Variants in MAL observed in about 807,000 individuals in gnomAD.
MAL encodes the protein mal, T cell differentiation protein (MAL blood group), also known as myelin and lymphocyte protein.
A neutral mutation model predicts 16.7 loss-of-function variants in MAL; 5 were observed. That is an observed-to-expected ratio of 0.30 (90% CI 0.16 to 0.63). MAL has a LOEUF of 0.63. Ranked by LOEUF, MAL falls within the 30% of genes least tolerant of loss-of-function variation. The pLI, the probability that MAL is intolerant of heterozygous loss-of-function variation, is 0.82. For synonymous variants in MAL, 96 were observed against 85.5 expected, an observed-to-expected ratio of 1.12 and a Z score of -0.67; for missense variants, 202 against 195.8, an observed-to-expected ratio of 1.03 and a Z score of -0.19.
chr2:95,034,319 G>A (rs1674155553), intron 1 of MAL, among the ~76,000 whole-genome samples: 1 of 152,178 alleles, frequency 6.6e-6, no homozygotes. Context: ...GAGCAGCCAA[G>A]GGGTGGAGGA....
At chr2:95,030,215 G>A (rs1270755181) in intron 1 of MAL, among the ~76,000 whole-genome samples, 1 of 152,200 alleles carries the variant, frequency 6.6e-6, no homozygotes, top group Non-Finnish European at 1.5e-5. Flanking sequence ...GAAGAGGAAG[G>A]CAGGCCCAAC....
chr2:95,049,883 G>A (rs1674680208), intron 3 of MAL, among the ~76,000 whole-genome samples, 177 bp downstream of exon 3: 2 of 152,078 alleles, frequency 1.3e-5, no homozygotes, highest in African/African-American at 4.8e-5. Context: ...GTCATGTTGT[G>A]CCCAAGACTC....
rs569573663 is a variant in MAL at position 95,025,843 on chromosome 2, G to T, written c.51G>T (p.Ser17=). The T allele has an allele frequency of 1.3e-6, 2 of 1,578,624 alleles. No individual in the cohort carries two copies. Among genetic ancestry groups the T allele is most frequent in the African/African-American group, 1.4e-5 (1 of 73,588 alleles). The change falls in exon 1 of 4, where the codon TCG becomes TCT. Residue 17 remains serine (S), a synonymous_variant. Coordinates refer to ENST00000309988, the MANE Select transcript of MAL (RefSeq NM_002371.4). The surrounding 1 kb of genome is among the most constrained non-coding windows in gnomAD (Gnocchi z 5.6). ...TGGSTLPSGF[S]VFTTLPDLLF... The stretch of plus-strand genomic sequence containing the variant: ...GCAGCACCCTGCCCAGTGGCTTCTC[G>T]GTCTTCACCACCTTGCCCGACTTGC...
At chr2:95,031,071 G>GACGT (rs1674066669) in intron 1 of MAL, among the ~76,000 whole-genome samples, 1 of 152,214 alleles carries the variant, frequency 6.6e-6, no homozygotes. Context: ...GGAGACCAGA[G>GACGT]ACGTAGAATG....
chr2:95,033,190 G>A (rs1674129151), intron 1 of MAL, among the ~76,000 whole-genome samples: 1 of 152,194 alleles, frequency 6.6e-6, no homozygotes, highest in African/African-American at 2.4e-5. Context: ...CAGGAATAGG[G>A]CCACGGGGAA....
At position 95,053,523 on chromosome 2, in the gene MAL, T is replaced by G. The variant is rs1396264760; in HGVS notation, c.*68T>G. On this transcript the variant is annotated 3_prime_UTR_variant, in exon 4 of 4. Coordinates refer to ENST00000309988, the MANE Select transcript of MAL (RefSeq NM_002371.4). ...TGGCCGCCCCACTTTCCGGCATAAC[T>G]TTTTAGAAAACAGAAATGCCCTTGA... The G allele has an allele frequency of 7.8e-7, 1 of 1,274,396 alleles. No homozygotes were observed. Among genetic ancestry groups the G allele is most frequent in the Non-Finnish European group, 1.1e-6 (1 of 873,974 alleles). The allele number at this position is 1,274,396 out of a possible 1,614,324, so 78.9% of individuals were successfully genotyped here.
In MAL at chr2:95,025,753, G is replaced by T; in HGVS notation, c.-40G>T. 1 of 1,410,158 alleles carries T rather than the reference G, an allele frequency of 7.1e-7. No homozygotes were observed. 87.4% of individuals were successfully genotyped at this position (1,410,158 alleles called of 1,614,324 possible). On this transcript the variant is annotated 5_prime_UTR_variant, in exon 1 of 4. Transcript: ENST00000309988. This position sits in a 1 kb window ranked among gnomAD's most constrained non-coding sequence, Gnocchi z 5.6. The stretch of plus-strand genomic sequence containing the variant: ...CGAGAGGTCTGCGCGGAGTCTGAGC[G>T]GCGCTCGTCCCGTCCCAAGGCCGAC...
intron 1 of MAL, among the ~76,000 whole-genome samples, chr2:95,028,860 G>C (rs1279716262): frequency 6.6e-6 from 1 of 152,174 alleles, no homozygotes; most frequent in East Asian, 1.9e-4. Context: ...TAAATCCATA[G>C]AGACAGAACA....
At chr2:95,031,917 C>T (rs1674092588) in intron 1 of MAL, among the ~76,000 whole-genome samples, 1 of 152,220 alleles carries the variant, frequency 6.6e-6, no homozygotes, top group Non-Finnish European at 1.5e-5. Flanking sequence ...CAGAGGCTGG[C>T]TTTGGTGAGG....
chr2:95,027,272 C>T (rs148232511), intron 1 of MAL, among the ~76,000 whole-genome samples: 1 of 152,266 alleles, frequency 6.6e-6, no homozygotes, highest in East Asian at 1.9e-4. Context: ...AGACTCCCAC[C>T]CAACCCGCCA....
chr2:95,031,073 C>T (rs182333286), intron 1 of MAL, among the ~76,000 whole-genome samples: 81 of 152,270 alleles, frequency 5.3e-4, no homozygotes, highest in Admixed American at 3.9e-4. Flanking sequence ...AGACCAGAGA[C>T]GTAGAATGAC....
chr2:95,037,960 CTGAG>C (rs1347538913), intron 1 of MAL, among the ~76,000 whole-genome samples: 112 of 88,014 alleles, frequency 1.3e-3, no homozygotes, highest in Middle Eastern at 0.011. Flanking sequence ...GAGTGAGTGA[CTGAG>C]TGAGTGAGTG....
intron 1 of MAL, among the ~76,000 whole-genome samples, chr2:95,038,524 G>A (rs1216022747): frequency 1.3e-5 from 2 of 151,176 alleles, no homozygotes; most frequent in Non-Finnish European, 3.0e-5. Flanking sequence ...GGGTGAGTGA[G>A]TGACTGAGTG....
Position 95,053,428 on chromosome 2 carries a change from C to T in MAL, c.435C>T (p.Phe145=). ...ATLLYVVHAV[F]SLIRWKSS ...TGCTCTACGTGGTCCATGCGGTGTT[C>T]TCTTTAATCAGATGGAAGTCTTCAT... The change falls in exon 4 of 4, where the codon TTC becomes TTT. Residue 145 remains phenylalanine, a synonymous_variant. Transcript: ENST00000309988. The T allele has an allele frequency of 1.2e-6, 2 of 1,613,720 alleles. No individual in the cohort carries two copies. The highest frequency in any genetic ancestry group is 1.7e-6 in the Non-Finnish European group (2 of 1,179,688).
intron 1 of MAL, among the ~76,000 whole-genome samples, chr2:95,030,789 G>A (rs1674059921): frequency 6.6e-6 from 1 of 152,190 alleles, no homozygotes; most frequent in African/African-American, 2.4e-5. Context: ...GTTGGGGTTG[G>A]GGTGGGGAGA....
chr2:95,042,385 GACTCTGGGC>G (rs1393263649), intron 1 of MAL, among the ~76,000 whole-genome samples: 1 of 152,234 alleles, frequency 6.6e-6, no homozygotes, highest in Non-Finnish European at 1.5e-5. Flanking sequence ...ATGGGAATCA[GACTCTGGGC>G]ATGAGCCCTG....
At chr2:95,033,156 G>A (rs1200884114) in intron 1 of MAL, among the ~76,000 whole-genome samples, 5 of 152,132 alleles carry the variant, frequency 3.3e-5, no homozygotes, top group Non-Finnish European at 2.9e-5. Context: ...GGAGGCCCAC[G>A]GGGGGCCCGG....
At position 95,053,479 on chromosome 2, in the gene MAL, AAACCC is replaced by A. The variant is rs1230247349; in HGVS notation, c.*26_*30del. ...AAAGCCGCAGTAGAACTTGAGCTGA[AAACCC>A]AGATGGTGTTAACTGGCCGCCCCAC... is the stretch of plus-strand genomic sequence containing the variant. On this transcript the variant is annotated 3_prime_UTR_variant, in exon 4 of 4. Coordinates refer to ENST00000309988, the MANE Select transcript of MAL (RefSeq NM_002371.4). 14 of 1,583,852 alleles carry A rather than the reference AAACCC, an allele frequency of 8.8e-6. No individual in the cohort carries two copies. The highest frequency in any genetic ancestry group is 1.2e-5 in the Non-Finnish European group (14 of 1,152,560).
chr2:95,035,443 G>T (rs888558685), intron 1 of MAL, among the ~76,000 whole-genome samples: 1 of 152,108 alleles, frequency 6.6e-6, no homozygotes, highest in Non-Finnish European at 1.5e-5. Flanking sequence ...TAGATTTGTG[G>T]ATCTGAGAGG....
Sources: gnomAD v4.1 joint callset for allele counts (sites outside exome capture counted in the v4.1 genomes callset) on GRCh38, gnomAD v4.1.1 for gene constraint, Gnocchi (gnomAD v3.1) non-coding constraint, MANE v1.5 for transcripts, NCBI Gene and HGNC (gene_info 2026-07-23, HGNC 2026-07-21) for gene names.